The following ELOVL6 variants were observed in gnomAD, a reference collection of about 807,000 sequenced individuals.
ELOVL6 encodes ELOVL fatty acid elongase 6, also known as very long chain fatty acid elongase 6.
In ELOVL6, 8 loss-of-function variants were observed where a neutral mutation model predicts 31.7. The ratio of observed to expected loss-of-function variants is 0.25; its 90% CI spans 0.15 to 0.45. ELOVL6 has a LOEUF of 0.45. ELOVL6 is among the 20% of genes least tolerant of loss of function. The pLI, the probability that ELOVL6 is intolerant of heterozygous loss-of-function variation, is 1.00. For missense variants in ELOVL6, 126 were observed against 326.4 expected, an observed-to-expected ratio of 0.39 and a Z score of 4.73; for synonymous variants, 101 against 117.7, an observed-to-expected ratio of 0.86 and a Z score of 0.92.
intron 1 of ELOVL6, among the ~76,000 whole-genome samples, chr4:110,158,963 G>T (rs1462944253): frequency 1.3e-5 from 2 of 151,824 alleles, no homozygotes; most frequent in Non-Finnish European, 2.9e-5. Flanking sequence ...GCCTGGCCAA[G>T]ATATTGGATT....
chr4:110,070,381 C>T (rs1280657294), intron 2 of ELOVL6, among the ~76,000 whole-genome samples: 1 of 152,200 alleles, frequency 6.6e-6, no homozygotes, highest in Non-Finnish European at 1.5e-5. Flanking sequence ...CCAAAAAACT[C>T]ACCAGGATCA....
intron 1 of ELOVL6, among the ~76,000 whole-genome samples, chr4:110,158,657 ATTTTT>A (rs1184682018): frequency 5.4e-5 from 4 of 74,160 alleles, no homozygotes; most frequent in African/African-American, 3.3e-4. Flanking sequence ...ATATATATAT[ATTTTT>A]TTTTTTTTTT....
chr4:110,158,606 CAT>C (rs1491513646), intron 1 of ELOVL6, among the ~76,000 whole-genome samples: 7 of 126,906 alleles, frequency 5.5e-5, no homozygotes, highest in Admixed American at 3.2e-4. Flanking sequence ...CACACACACA[CAT>C]ATATATACAC....
At position 110,046,448 on chromosome 4, in the gene ELOVL6, T is replaced by A. The variant is rs1305923973; in HGVS notation, c.*4890A>T. ...AGCTCTCCCAAGCCCCACTCACGAATGTGCTCCCACTGTCCATCTAACTTC... is the reference window on the plus strand; with the variant it reads ...AGCTCTCCCAAGCCCCACTCACGAAAGTGCTCCCACTGTCCATCTAACTTC... On this transcript the variant is annotated 3_prime_UTR_variant, in exon 4 of 4. Transcript: ENST00000302274. The A allele has an allele frequency of 6.6e-6, 1 of 152,184 alleles. No individual in the cohort carries two copies. The highest frequency in any genetic ancestry group is 1.5e-5 in the Non-Finnish European group (1 of 68,018). The allele number at this position is 152,184 out of a possible 1,614,324, so 9.4% of individuals were successfully genotyped here.
At chr4:110,097,305 C>CAAAAAAA (rs33970271) in intron 2 of ELOVL6, among the ~76,000 whole-genome samples, 4 of 88,680 alleles carry the variant, frequency 4.5e-5, no homozygotes, top group African/African-American at 4.0e-5. Flanking sequence ...ACTCCATCTC[C>CAAAAAAA]AAAAAAAAAA....
intron 1 of ELOVL6, among the ~76,000 whole-genome samples, chr4:110,122,076 C>T (rs1037325023): frequency 6.6e-6 from 1 of 152,118 alleles, no homozygotes; most frequent in African/African-American, 2.4e-5. Flanking sequence ...TTTGTGTTTT[C>T]CCACTTAGAC....
intron 1 of ELOVL6, among the ~76,000 whole-genome samples, chr4:110,192,047 G>A (rs964173970): frequency 4.6e-5 from 7 of 151,720 alleles, no homozygotes; most frequent in South Asian, 4.2e-4. Context: ...AAAATCAGCC[G>A]GGTGTAGTGG....
At chr4:110,185,648 A>G (rs897658830) in intron 1 of ELOVL6, among the ~76,000 whole-genome samples, 1 of 152,224 alleles carries the variant, frequency 6.6e-6, no homozygotes, top group Non-Finnish European at 1.5e-5. Flanking sequence ...CATAATATGT[A>G]CAAGTAGTAT....
At chr4:110,190,602 T>C (rs571040381) in intron 1 of ELOVL6, among the ~76,000 whole-genome samples, 3 of 152,240 alleles carry the variant, frequency 2.0e-5, no homozygotes, top group African/African-American at 7.2e-5. Context: ...CCTCCTGGGT[T>C]CAAGCGATTC....
intron 2 of ELOVL6, among the ~76,000 whole-genome samples, chr4:110,085,487 T>A (rs112907650): frequency 2.8e-4 from 42 of 152,276 alleles, no homozygotes; most frequent in African/African-American, 8.2e-4. Context: ...AGAATCACAG[T>A]GTGATACCTG....
At chr4:110,165,480 C>T (rs574382536) in intron 1 of ELOVL6, among the ~76,000 whole-genome samples, 1 of 152,328 alleles carries the variant, frequency 6.6e-6, no homozygotes, top group African/African-American at 2.4e-5. Context: ...TCAGCTACTG[C>T]TGCTCATCAA....
chr4:110,117,903 A>AAAAAAAAAATAT lies in ELOVL6; in HGVS notation c.90-12276_90-12275insATATTTTTTTTT. On this transcript the variant is annotated intron_variant, in intron 1 of 3. Coordinates refer to ENST00000302274, the MANE Select transcript of ELOVL6 (RefSeq NM_024090.3). ...TCTCAAAAAAAAAAAAAAAAAAAAAAATATATATATATATATATATATCTC... is the reference window on the plus strand; with the variant it reads ...TCTCAAAAAAAAAAAAAAAAAAAAAAAAAAAAAAATATATATATATATATATATATATATCTC... 9 of 6,498 alleles carry AAAAAAAAAATAT rather than the reference A, an allele frequency of 1.4e-3. 1 individual carries two copies. Among genetic ancestry groups the AAAAAAAAAATAT allele is most frequent in the African/African-American group, 2.0e-3 (6 of 3,060 alleles). The allele number at this position is 6,498 out of a possible 1,614,324, so 0.4% of individuals were successfully genotyped here.
rs114792232 is a variant in ELOVL6, at chr4:110,100,835, A to G, written c.221+4662T>C. On this transcript the variant is annotated intron_variant, in intron 2 of 3. Coordinates refer to ENST00000302274, the MANE Select transcript of ELOVL6 (RefSeq NM_024090.3). ...TTGGGCCATCACCTCATTGCAGACC[A>G]TCTAATAGAGGAACTATCTCCTGAG... Among the ~76,000 whole-genome samples, 1,494 of 152,328 alleles carry G rather than the reference A, an allele frequency of 9.8e-3. 32 individuals are homozygous for G. Among genetic ancestry groups the G allele is most frequent in the African/African-American group, 0.034 (1,413 of 41,572 alleles).
At chr4:110,072,423 C>G (rs1755517229) in intron 2 of ELOVL6, among the ~76,000 whole-genome samples, 2 of 152,178 alleles carry the variant, frequency 1.3e-5, no homozygotes, top group African/African-American at 4.8e-5. Flanking sequence ...TTGCAGTGAG[C>G]CAAGATCGCA....
At chr4:110,081,389 A>C (rs1156878814) in intron 2 of ELOVL6, among the ~76,000 whole-genome samples, 4 of 152,228 alleles carry the variant, frequency 2.6e-5, no homozygotes, top group African/African-American at 4.8e-5. Flanking sequence ...TGGTACCAAA[A>C]CAGAGATATA....
intron 2 of ELOVL6, among the ~76,000 whole-genome samples, chr4:110,104,205 T>G (rs558438210): frequency 6.6e-6 from 1 of 152,326 alleles, no homozygotes; most frequent in South Asian, 2.1e-4. Context: ...AGGATAGAGA[T>G]AAATTCCCCA....
intron 1 of ELOVL6, among the ~76,000 whole-genome samples, chr4:110,132,788 T>C (rs1333023799): frequency 2.0e-5 from 3 of 151,902 alleles, no homozygotes; most frequent in African/African-American, 7.3e-5. Context: ...TGCAGTGAGC[T>C]GAGATCAAAC....
chr4:110,115,202 C>A (rs1757139168), intron 1 of ELOVL6, among the ~76,000 whole-genome samples: 1 of 152,010 alleles, frequency 6.6e-6, no homozygotes, highest in Admixed American at 6.6e-5. Context: ...AGAAAATATA[C>A]CCCAAATACT....
chr4:110,117,922 A>ATATG (rs1217353438), intron 1 of ELOVL6: 2 of 25,386 alleles, frequency 7.9e-5, no homozygotes, highest in East Asian at 3.8e-3. Flanking sequence ...ATATATATAT[A>ATATG]TATCTCCCCA....
Sources: gnomAD v4.1 joint callset for allele counts (sites outside exome capture counted in the v4.1 genomes callset) on GRCh38, gnomAD v4.1.1 for gene constraint, MANE v1.5 for transcripts, NCBI Gene and HGNC (gene_info 2026-07-23, HGNC 2026-07-21) for gene names.